The following CCSER1 variants were observed in gnomAD, a reference collection of about 807,000 sequenced individuals.
CCSER1 encodes the protein coiled-coil serine rich protein 1.
Under a neutral mutation model 82.0 loss-of-function variants are expected in CCSER1, and 41 were observed. The observed-to-expected ratio is 0.50, with a 90% CI of 0.39 to 0.65. The LOEUF (loss-of-function observed/expected upper bound fraction) is 0.65. Ranked by LOEUF, CCSER1 falls within the 30% of genes least tolerant of loss-of-function variation. The pLI is 0.00. For missense variants in CCSER1, 1,119 were observed against 1,064.2 expected (o/e 1.05, Z -0.72); for synonymous variants, 414 against 383.9 (o/e 1.08, Z -0.92).
intron 10 of CCSER1, among the ~76,000 whole-genome samples, chr4:91,458,553 G>T (rs1342839799): frequency 6.6e-6 from 1 of 152,082 alleles, no homozygotes; most frequent in Non-Finnish European, 1.5e-5. Context: ...CTTTTTCTGT[G>T]AAGAATGTCA....
At chr4:90,951,814 A>G (rs1732944197) in intron 9 of CCSER1, among the ~76,000 whole-genome samples, 1 of 152,068 alleles carries the variant, frequency 6.6e-6, no homozygotes, top group African/African-American at 2.4e-5. Flanking sequence ...TTGCAAGTAG[A>G]AAGTTGTATT....
chr4:90,158,303 G>A (rs1224923080), intron 1 of CCSER1, among the ~76,000 whole-genome samples: 1 of 152,188 alleles, frequency 6.6e-6, no homozygotes, highest in Non-Finnish European at 1.5e-5. Context: ...GTGCCTCCCA[G>A]TTAGGCTGCT....
rs1041714368 is a variant in CCSER1, at chr4:91,348,226, A to G, written c.2218-250346A>G. ...TTTTTTAGATGCTTTTGCTGCATCT[A>G]TTAAAATAATAATATAATTTCTCTT... is the stretch of plus-strand genomic sequence containing the variant. On this transcript the variant is annotated intron_variant, in intron 10 of 10. Transcript: ENST00000509176. Among the ~76,000 whole-genome samples, 4 of 152,262 alleles carry G rather than the reference A, an allele frequency of 2.6e-5. No individual in the cohort carries two copies. In the East Asian group the frequency reaches 7.7e-4, roughly 29 times the overall value.
At chr4:90,539,753 A>G (rs565171772) in intron 5 of CCSER1, among the ~76,000 whole-genome samples, 4 of 152,240 alleles carry the variant, frequency 2.6e-5, no homozygotes, top group African/African-American at 9.6e-5. Flanking sequence ...AAAAGGTAGT[A>G]CCCCAGCAAA....
intron 1 of CCSER1, among the ~76,000 whole-genome samples, chr4:90,171,187 AT>A (rs1560737243): frequency 7.3e-6 from 1 of 137,910 alleles, no homozygotes; most frequent in Non-Finnish European, 1.5e-5. Flanking sequence ...TAAAAAAAAA[AT>A]AAAATACAGG....
At chr4:91,385,961 C>G (rs1442098034) in intron 10 of CCSER1, among the ~76,000 whole-genome samples, 2 of 151,702 alleles carry the variant, frequency 1.3e-5, no homozygotes, top group Non-Finnish European at 2.9e-5. Flanking sequence ...TGTATTTATA[C>G]ATACACACAC....
chr4:90,388,159 G>A (rs1578222258), intron 3 of CCSER1, among the ~76,000 whole-genome samples: 1 of 152,176 alleles, frequency 6.6e-6, no homozygotes, highest in South Asian at 2.1e-4. Context: ...TTTATGATTT[G>A]CTTTAGTTCA....
chr4:91,141,066 G>T (rs1396564260), intron 10 of CCSER1, among the ~76,000 whole-genome samples: 1 of 151,822 alleles, frequency 6.6e-6, no homozygotes, highest in Non-Finnish European at 1.5e-5. Flanking sequence ...GTGGTATTTG[G>T]TTTTCTGTTT....
intron 1 of CCSER1, among the ~76,000 whole-genome samples, chr4:90,257,568 GATAC>G (rs1464092897): frequency 3.8e-4 from 57 of 150,334 alleles, no homozygotes; most frequent in Middle Eastern, 3.4e-3. Context: ...TAGATACATA[GATAC>G]ATAGATACAT....
At chr4:91,141,181 A>G (rs1728991153) in intron 10 of CCSER1, among the ~76,000 whole-genome samples, 1 of 150,142 alleles carries the variant, frequency 6.7e-6, no homozygotes, top group Non-Finnish European at 1.5e-5. Flanking sequence ...TTTGAGACAG[A>G]GTCTCACTGT....
intron 1 of CCSER1, among the ~76,000 whole-genome samples, chr4:90,295,954 G>T (rs983390501): frequency 1.3e-5 from 2 of 151,224 alleles, no homozygotes; most frequent in East Asian, 1.9e-4. Context: ...CATTTTTTTT[G>T]AAATCAGTGT....
intron 9 of CCSER1, among the ~76,000 whole-genome samples, chr4:91,079,746 A>G (rs1333067305): frequency 6.6e-6 from 1 of 152,228 alleles, no homozygotes; most frequent in Non-Finnish European, 1.5e-5. Flanking sequence ...AATGGAGAAC[A>G]AAACAAAGCA....
chr4:90,289,906 G>T (rs1223103202), intron 1 of CCSER1, among the ~76,000 whole-genome samples: 3 of 151,716 alleles, frequency 2.0e-5, no homozygotes, highest in African/African-American at 7.3e-5. Flanking sequence ...TGAAATTGAA[G>T]CTCAAAGGGA....
chr4:91,199,190 T>C (rs893848348), intron 10 of CCSER1, among the ~76,000 whole-genome samples: 1 of 152,140 alleles, frequency 6.6e-6, no homozygotes, highest in African/African-American at 2.4e-5. Context: ...CAGGAAATGA[T>C]GGCTTGTCAC....
intron 9 of CCSER1, among the ~76,000 whole-genome samples, chr4:91,066,372 G>A (rs924055159): frequency 3.3e-5 from 5 of 152,174 alleles, no homozygotes; most frequent in Admixed American, 1.3e-4. Flanking sequence ...ATGAAGCACA[G>A]AGCAGTAAAC....
intron 10 of CCSER1, among the ~76,000 whole-genome samples, chr4:91,377,434 T>C (rs542862894): frequency 2.3e-4 from 35 of 152,306 alleles, no homozygotes; most frequent in African/African-American, 7.5e-4. Context: ...TTTTTAATGA[T>C]CACCATTCTA....
chr4:90,961,417 A>T (rs965797476), intron 9 of CCSER1, among the ~76,000 whole-genome samples: 1 of 152,178 alleles, frequency 6.6e-6, no homozygotes, highest in African/African-American at 2.4e-5. Context: ...TTTAGCCTTT[A>T]ACCTTATGAA....
rs950118161 is a variant in CCSER1, at chr4:91,464,213, A to G, written c.2218-134359A>G. 5.9e-5 allele frequency among the ~76,000 whole-genome samples: 9 copies of G among 152,138 alleles called. No homozygotes were observed. In the East Asian group the frequency reaches 1.7e-3, roughly 29 times the overall value. On this transcript the variant is annotated intron_variant, in intron 10 of 10. Coordinates refer to ENST00000509176, the MANE Select transcript of CCSER1 (RefSeq NM_001145065.2). The stretch of plus-strand genomic sequence containing the variant: ...GGGGCCAATATTCAACATTTTAAAG[A>G]AAAGTATTTTCAAACCAGAATTTCA...
At chr4:91,004,866 G>C (rs1198590627) in intron 9 of CCSER1, among the ~76,000 whole-genome samples, 1 of 152,036 alleles carries the variant, frequency 6.6e-6, no homozygotes, top group African/African-American at 2.4e-5. Flanking sequence ...TCTAAGTTCT[G>C]TACAGCTTTA....
Sources: gnomAD v4.1 joint callset for allele counts (sites outside exome capture counted in the v4.1 genomes callset) on GRCh38, gnomAD v4.1.1 for gene constraint, MANE v1.5 for transcripts, NCBI Gene and HGNC (gene_info 2026-07-23, HGNC 2026-07-21) for gene names.